Variants in CSMD2 observed in about 807,000 individuals in gnomAD.
CSMD2 encodes the protein CUB and Sushi multiple domains 2, also known as CUB and sushi domain-containing protein 2.
Under a neutral mutation model 398.5 loss-of-function variants are expected in CSMD2, and 130 were observed. The ratio of observed to expected loss-of-function variants is 0.33; its 90% CI spans 0.28 to 0.38. CSMD2 has a LOEUF of 0.38. Ranked by LOEUF, CSMD2 falls within the 10% of genes least tolerant of loss-of-function variation. The pLI is 1.00. For synonymous variants in CSMD2, 1,828 were observed against 1,908.5 expected (o/e 0.96, Z 1.10); for missense variants, 3,829 against 4,764.9 (o/e 0.80, Z 5.78).
chr1:34,015,115 G>A (rs564360591), intron 3 of CSMD2, among the ~76,000 whole-genome samples: 27 of 152,278 alleles, frequency 1.8e-4, no homozygotes, highest in Admixed American at 1.7e-3. Flanking sequence ...GAAGCTTTAG[G>A]AGAAGTGTCC....
In CSMD2 at chr1:33,780,417, A is replaced by G. The variant is rs189133700; in HGVS notation, c.1664-7666T>C. On this transcript the variant is annotated intron_variant, in intron 12 of 70. Coordinates refer to ENST00000373381, the MANE Select transcript of CSMD2 (RefSeq NM_001281956.2). ...TGGGGACTGATGTGTTTTTCTGCAC[A>G]CGATTGCCACAAGTGGAATGGAGGT... Among the ~76,000 whole-genome samples, 19 of 152,284 alleles carry G rather than the reference A, an allele frequency of 1.2e-4. No homozygotes were observed. The East Asian group carries it at 3.7e-3, about 29-fold the overall frequency.
intron 36 of CSMD2, 26 bp downstream of exon 36, chr1:33,623,344 T>C (rs1641894898): frequency 1.3e-6 from 2 of 1,534,610 alleles, no homozygotes; most frequent in South Asian, 1.1e-5. Context: ...ACCCTCCAAA[T>C]TGAAGCCCCT....
At chr1:34,061,238 G>A (rs1654466501) in intron 2 of CSMD2, among the ~76,000 whole-genome samples, 1 of 152,218 alleles carries the variant, frequency 6.6e-6, no homozygotes, top group South Asian at 2.1e-4. Context: ...AATATCGAGG[G>A]TGCCATGGTG....
chr1:34,100,242 A>G (rs1300178741), intron 1 of CSMD2, among the ~76,000 whole-genome samples: 3 of 152,338 alleles, frequency 2.0e-5, no homozygotes. Context: ...CAATGCAAGT[A>G]TAAAAAAATA....
Position 33,537,920 on chromosome 1 carries a change from C to A in CSMD2, c.9632-311G>T, listed in dbSNP as rs145436317. Among the ~76,000 whole-genome samples the A allele has an allele frequency of 7.9e-5, 12 of 152,344 alleles. No individual in the cohort carries two copies. Among genetic ancestry groups the A allele is most frequent in the African/African-American group, 2.6e-4 (11 of 41,592 alleles). On this transcript the variant is annotated intron_variant, in intron 60 of 70. Transcript: ENST00000373381. This position sits in a 1 kb window ranked among gnomAD's most constrained non-coding sequence, Gnocchi z 4.6. Reference sequence around the variant, plus strand: ...ATTCAAAACTTTTTTTCCATTTTCACGCACATTCTTTTCCAATCTTTGTTC... The same window carrying A: ...ATTCAAAACTTTTTTTCCATTTTCAAGCACATTCTTTTCCAATCTTTGTTC...
At chr1:33,790,267 G>GGT (rs1401906150) in intron 11 of CSMD2, among the ~76,000 whole-genome samples, 1 of 152,122 alleles carries the variant, frequency 6.6e-6, no homozygotes, top group Non-Finnish European at 1.5e-5. Flanking sequence ...CATTATTCTG[G>GGT]GTGTTTCTGT....
At chr1:33,930,943 C>A (rs185202592) in intron 4 of CSMD2, among the ~76,000 whole-genome samples, 2 of 152,306 alleles carry the variant, frequency 1.3e-5, no homozygotes, top group African/African-American at 4.8e-5. Context: ...TGTCCCCAGA[C>A]CAAGTCCACC....
chr1:33,576,098 C>T (rs1660044783), intron 49 of CSMD2, among the ~76,000 whole-genome samples: 1 of 152,102 alleles, frequency 6.6e-6, no homozygotes, highest in Admixed American at 6.5e-5. Flanking sequence ...CTGTCAATCG[C>T]ATACGTTATG....
intron 5 of CSMD2, among the ~76,000 whole-genome samples, chr1:33,868,278 A>C (rs1479633471): frequency 6.6e-6 from 1 of 152,166 alleles, no homozygotes; most frequent in African/African-American, 2.4e-5. Context: ...TTCTCTCCTC[A>C]ACCGTTTTTC....
chr1:33,637,586 C>T (rs1357240205), intron 29 of CSMD2, among the ~76,000 whole-genome samples: 2 of 152,174 alleles, frequency 1.3e-5, no homozygotes, highest in South Asian at 2.1e-4. Context: ...ACCTTTCCTC[C>T]GTCCTCCTTG....
rs199607551 is a variant in CSMD2, at chr1:33,724,369, C to T, written c.2885-56G>A. ...ACCAGAGGGCCTCAGGGAGCACCCC[C>T]GTCATCCTCCTGGGACCCCATCCCC... On this transcript the variant is annotated intron_variant, in intron 18 of 70. Transcript: ENST00000373381. 1,013 of 1,506,176 alleles carry T rather than the reference C, an allele frequency of 6.7e-4. 9 individuals carry two copies. In the South Asian group the frequency reaches 7.3e-3, roughly 11 times the overall value. The allele number at this position is 1,506,176 out of a possible 1,614,324, so 93.3% of individuals were successfully genotyped here. A position where few individuals can be genotyped will look rare whatever the true frequency, so the allele number is the denominator to read the frequency against.
intron 41 of CSMD2, chr1:33,605,969 C>T: frequency 1.2e-6 from 2 of 1,613,602 alleles, no homozygotes; most frequent in Non-Finnish European, 1.7e-6. Context: ...AGGAAGAAAT[C>T]TGGTGGGAGT....
intron 3 of CSMD2, among the ~76,000 whole-genome samples, chr1:33,969,641 G>A (rs908382266): frequency 7.2e-5 from 11 of 152,184 alleles, no homozygotes; most frequent in African/African-American, 2.7e-4. Context: ...ACTTTCCTGA[G>A]ATCACACTAA....
Position 33,633,522 on chromosome 1 carries a change from C to G in CSMD2, c.5100G>C (p.Gln1700His). ...TGAGGGCCGTGTGAAAGAAGGCGAA[C>G]TGGCCAAACACCACTGTGGAGGAGA... is the stretch of plus-strand genomic sequence containing the variant. ...TVPKDYVVFG[Q>H]FAFFHTALND... is the part of the protein sequence containing the mutation. Residue 1700 changes from glutamine (Q) to histidine (H), a missense_variant, in exon 32 of 71, where the codon CAG becomes CAC. Gln to His is a conservative substitution (Grantham distance 24, BLOSUM62 0). This residue lies in a region of CSMD2 where 2,001 missense variants were observed against 2,567.1 expected (regional missense o/e 0.78). Transcript: ENST00000373381. This position sits in a 1 kb window ranked among gnomAD's most constrained non-coding sequence, Gnocchi z 5.0. The G allele has an allele frequency of 6.4e-7, 1 of 1,552,486 alleles. No individual in the cohort carries two copies. The highest frequency in any genetic ancestry group is 8.7e-7 in the Non-Finnish European group (1 of 1,147,270).
chr1:33,961,518 C>A (rs1645359264), intron 3 of CSMD2, among the ~76,000 whole-genome samples: 2 of 152,146 alleles, frequency 1.3e-5, no homozygotes, highest in Admixed American at 1.3e-4. Flanking sequence ...TGGGCATCCA[C>A]CTTAGCTGTG....
intron 2 of CSMD2, among the ~76,000 whole-genome samples, chr1:34,048,377 C>G (rs1652791229): frequency 6.6e-6 from 1 of 152,156 alleles, no homozygotes; most frequent in Non-Finnish European, 1.5e-5. Flanking sequence ...TGAGATTTAC[C>G]CAGGCCCTCA....
rs902889831 is a variant in CSMD2 at position 33,964,735 on chromosome 1, T to G, written c.518-28781A>C. On this transcript the variant is annotated intron_variant, in intron 3 of 70. Coordinates refer to ENST00000373381, the MANE Select transcript of CSMD2 (RefSeq NM_001281956.2). ...CCAGACCCCAGAAGTGAGGCCTTCC[T>G]GGCCCTAGATGGTTGAGGGGTAGGG... Among the ~76,000 whole-genome samples the G allele has an allele frequency of 3.3e-5, 5 of 152,212 alleles. 1 individual carries two copies. The Middle Eastern group carries it at 0.01, about 311-fold the overall frequency.
intron 21 of CSMD2, among the ~76,000 whole-genome samples, chr1:33,711,042 G>A (rs1448815248): frequency 6.6e-6 from 1 of 152,208 alleles, no homozygotes; most frequent in Admixed American, 6.5e-5. Flanking sequence ...CAAATATCAT[G>A]ATGAATGTGC....
intron 3 of CSMD2, among the ~76,000 whole-genome samples, chr1:34,014,866 G>A (rs1233282771): frequency 6.6e-6 from 1 of 152,214 alleles, no homozygotes; most frequent in African/African-American, 2.4e-5. Context: ...TGGACAATGA[G>A]AAACAAAGAT....
Sources: allele counts gnomAD v4.1 joint callset (sites outside exome capture counted in the v4.1 genomes callset), GRCh38; gene constraint gnomAD v4.1.1; regional missense constraint gnomAD v4.1.1; non-coding constraint Gnocchi (gnomAD v3.1); transcripts MANE v1.5; gene names NCBI Gene and HGNC (gene_info 2026-07-23, HGNC 2026-07-21).